Variants in NR1H4 observed in about 807,000 individuals in gnomAD.
The protein encoded by NR1H4 is bile acid receptor.
NR1H4 carries 23 observed loss-of-function variants against 58.5 expected under a neutral mutation model. The observed-to-expected ratio is 0.39, with a 90% CI of 0.28 to 0.56. The LOEUF is 0.56. NR1H4 is among the 20% of genes least tolerant of loss of function. NR1H4 has a pLI of 0.58. For missense variants in NR1H4, 487 were observed against 576.9 expected (o/e 0.84, Z 1.60); for synonymous variants, 214 against 198.0 (o/e 1.08, Z -0.68).
At chr12:100,502,162 T>C (rs1299165821) in intron 3 of NR1H4, among the ~76,000 whole-genome samples, 4 of 152,194 alleles carry the variant, frequency 2.6e-5, no homozygotes, top group Admixed American at 1.3e-4. Flanking sequence ...TGTATAGTTA[T>C]CAACCCCATT....
chr12:100,528,165 CTATCAG>C (rs1566458740), intron 4 of NR1H4, among the ~76,000 whole-genome samples: 1 of 152,158 alleles, frequency 6.6e-6, no homozygotes, highest in African/African-American at 2.4e-5. Flanking sequence ...CTACCAGTGG[CTATCAG>C]TATCAGTCAC....
At chr12:100,503,898 G>A (rs118110787) in intron 3 of NR1H4, among the ~76,000 whole-genome samples, 1,550 of 152,268 alleles carry the variant, frequency 0.01, 11 homozygotes, top group Middle Eastern at 0.024. Flanking sequence ...AGTGTCTCGT[G>A]ACCAGCATTA....
At chr12:100,479,972 A>G (rs1417412355) in intron 1 of NR1H4, among the ~76,000 whole-genome samples, 1 of 152,256 alleles carries the variant, frequency 6.6e-6, no homozygotes, top group Non-Finnish European at 1.5e-5. Context: ...GTGTTCAACT[A>G]CAACACTCTA....
intron 9 of NR1H4, among the ~76,000 whole-genome samples, chr12:100,545,641 C>CAAAAAAAAAAAAAAAAAA (rs35404680): frequency 1.3e-4 from 1 of 7,880 alleles, no homozygotes; most frequent in African/African-American, 5.2e-4. Context: ...GACCTTGTCT[C>CAAAAAAAAAAAAAAAAAA]AAAAAAAAAA....
At chr12:100,547,823 C>T (rs536311641) in intron 9 of NR1H4, among the ~76,000 whole-genome samples, 90 of 151,738 alleles carry the variant, frequency 5.9e-4, no homozygotes, top group South Asian at 4.4e-3. Context: ...TGGGTTCAAG[C>T]GATTCTCCTG....
At chr12:100,538,777 T>C (rs1593112328) in intron 8 of NR1H4, among the ~76,000 whole-genome samples, 1 of 152,212 alleles carries the variant, frequency 6.6e-6, no homozygotes, top group East Asian at 1.9e-4. Context: ...ATTAAATGTG[T>C]CACAGATAGA....
At chr12:100,500,468 T>G (rs1173230564) in intron 3 of NR1H4, among the ~76,000 whole-genome samples, 1 of 152,234 alleles carries the variant, frequency 6.6e-6, no homozygotes, top group East Asian at 1.9e-4. Flanking sequence ...GTAGCCACTA[T>G]TCGCATGTGG....
chr12:100,527,895 A>T (rs1277433047), intron 4 of NR1H4, among the ~76,000 whole-genome samples: 1 of 152,194 alleles, frequency 6.6e-6, no homozygotes. Context: ...AGAAAGAGAT[A>T]ATAGTAGTAT....
chr12:100,513,278 G>A (rs927905512), intron 4 of NR1H4, among the ~76,000 whole-genome samples: 6 of 152,148 alleles, frequency 3.9e-5, no homozygotes, highest in African/African-American at 1.2e-4. Flanking sequence ...TCACTGGTAC[G>A]TAATTAATCA....
chr12:100,518,150 A>G (rs1346863811), intron 4 of NR1H4, among the ~76,000 whole-genome samples: 1 of 152,228 alleles, frequency 6.6e-6, no homozygotes, highest in Non-Finnish European at 1.5e-5. Flanking sequence ...AACTGTGCTT[A>G]TGACCAAGTG....
At chr12:100,507,606 G>A (rs1470180902) in intron 3 of NR1H4, among the ~76,000 whole-genome samples, 3 of 152,058 alleles carry the variant, frequency 2.0e-5, no homozygotes, top group African/African-American at 7.2e-5. Context: ...GGGACTACAG[G>A]TGTGCACCAC....
intron 3 of NR1H4, among the ~76,000 whole-genome samples, chr12:100,508,981 C>T (rs1476676256): frequency 6.6e-6 from 1 of 152,142 alleles, no homozygotes; most frequent in Non-Finnish European, 1.5e-5. Context: ...CCAGACTGTG[C>T]TGGGAGGGAT....
chr12:100,487,640 G>GGCTGGAGT (rs1176025551), intron 1 of NR1H4, among the ~76,000 whole-genome samples: 10 of 138,588 alleles, frequency 7.2e-5, no homozygotes, highest in South Asian at 4.6e-4. Flanking sequence ...CTGTTGCCCA[G>GGCTGGAGT]GCTGGAGTGC....
In NR1H4 at chr12:100,540,739, C is replaced by T. The variant is rs1436294534; in HGVS notation, c.999C>T (p.Phe333=). The part of the protein sequence containing the change: ...LLKGSAVEAM[F]LRSAEIFNKK... ...AAGGGTCTGCGGTTGAAGCTATGTT[C>T]CTTCGTTCAGCTGAGATTTTCAATA... Residue 333 remains phenylalanine (F), a synonymous_variant, in exon 9 of 11, where the codon TTC becomes TTT. Coordinates refer to ENST00000392986, the MANE Select transcript of NR1H4 (RefSeq NM_001206979.2). 2 of 1,613,956 alleles carry T rather than the reference C, an allele frequency of 1.2e-6. No homozygotes were observed. The highest frequency in any genetic ancestry group is 2.7e-5 in the African/African-American group (2 of 74,914).
Position 100,494,158 on chromosome 12 carries a change from A to G in NR1H4, c.79+756A>G, listed in dbSNP as rs561899846. ...AATATATGGGCCATGATATACCATA[A>G]TAGTGAAAATGCAAACACTAGAAGT... On this transcript the variant is annotated intron_variant, in intron 3 of 10. Coordinates refer to ENST00000392986, the MANE Select transcript of NR1H4 (RefSeq NM_001206979.2). 3.9e-5 allele frequency among the ~76,000 whole-genome samples: 6 copies of G among 152,296 alleles called. No individual in the cohort carries two copies. The East Asian group carries it at 1.2e-3, about 29-fold the overall frequency.
intron 3 of NR1H4, among the ~76,000 whole-genome samples, chr12:100,508,209 G>T (rs1462524447): frequency 6.6e-6 from 1 of 152,062 alleles, no homozygotes; most frequent in Non-Finnish European, 1.5e-5. Flanking sequence ...CCCTGGAAGG[G>T]GTTGGCTGTG....
chr12:100,494,372 C>T (rs1285929694), intron 3 of NR1H4, among the ~76,000 whole-genome samples: 1 of 152,120 alleles, frequency 6.6e-6, no homozygotes, highest in Non-Finnish European at 1.5e-5. Context: ...TGCCTCCATA[C>T]AGTACAAATG....
chr12:100,484,507 A>C (rs966778099), intron 1 of NR1H4, among the ~76,000 whole-genome samples: 3 of 152,206 alleles, frequency 2.0e-5, no homozygotes, highest in African/African-American at 7.2e-5. Context: ...TTAAATGAAG[A>C]CTTAGGTTAC....
At chr12:100,520,260 A>G (rs1954381096) in intron 4 of NR1H4, among the ~76,000 whole-genome samples, 1 of 152,140 alleles carries the variant, frequency 6.6e-6, no homozygotes, top group African/African-American at 2.4e-5. Flanking sequence ...CTCACATTGA[A>G]TCTAGGCTCT....
Sources: allele counts gnomAD v4.1 joint callset (sites outside exome capture counted in the v4.1 genomes callset), GRCh38; gene constraint gnomAD v4.1.1; transcripts MANE v1.5; gene names NCBI Gene and HGNC (gene_info 2026-07-23, HGNC 2026-07-21).